CDKN2A: variants seen among roughly 807,000 people sequenced by gnomAD.
The protein encoded by CDKN2A is cyclin-dependent kinase inhibitor 2A.
In CDKN2A, 3 loss-of-function variants were observed where a neutral mutation model predicts 11.1. The observed-to-expected ratio is 0.27, with a 90% CI of 0.12 to 0.70. The LOEUF (loss-of-function observed/expected upper bound fraction) is 0.70. Ranked by LOEUF, CDKN2A falls within the 30% of genes least tolerant of loss-of-function variation. The probability of loss-of-function intolerance (pLI) is 0.77; values close to 1 mark genes in which losing one functional copy is unlikely to be tolerated. For missense variants in CDKN2A, 265 were observed against 233.6 expected, an observed-to-expected ratio of 1.13 and a Z score of -0.88; for synonymous variants, 122 against 108.1, an observed-to-expected ratio of 1.13 and a Z score of -0.80.
intron 2 of CDKN2A, among the ~76,000 whole-genome samples, chr9:21,987,957 C>T (rs956639473): frequency 3.3e-5 from 5 of 152,122 alleles, no homozygotes; most frequent in African/African-American, 1.2e-4. Context: ...TGAACGTGAA[C>T]CCCAGAAATA....
chr9:21,968,257 A>T lies in CDKN2A; in HGVS notation c.458-15T>A, dbSNP rs772321849. ...ATCGGGGATGTCTGCAGAGGGCAGA[A>T]AGAAAACAGGCGTTAGAAACCTGAG... On this transcript the variant is annotated splice_polypyrimidine_tract_variant and intron_variant, in intron 2 of 2. Coordinates refer to ENST00000304494, the MANE Select transcript of CDKN2A (RefSeq NM_000077.5). The surrounding 1 kb of genome is among the most constrained non-coding windows in gnomAD (Gnocchi z 4.7). 9.3e-6 allele frequency: 15 copies of T among 1,613,984 alleles called. No homozygotes were observed. The East Asian group carries it at 3.1e-4, about 34-fold the overall frequency.
intron 2 of CDKN2A, chr9:21,992,226 A>T (rs1030762165): frequency 1.1e-6 from 1 of 938,028 alleles, no homozygotes; most frequent in African/African-American, 1.8e-5. Context: ...AAGGAATTGT[A>T]TGAATCCTAA....
At chr9:21,990,649 A>AGAGAGAGAGAGAGAGG (rs1396090431) in intron 2 of CDKN2A, among the ~76,000 whole-genome samples, 2 of 150,232 alleles carry the variant, frequency 1.3e-5, no homozygotes, top group Admixed American at 6.6e-5. Context: ...AGAGAGAGAG[A>AGAGAGAGAGAGAGAGG]GAAACTGTTT....
chr9:21,985,648 C>T (rs1171863188), intron 2 of CDKN2A, among the ~76,000 whole-genome samples: 1 of 151,836 alleles, frequency 6.6e-6, no homozygotes, highest in Non-Finnish European at 1.5e-5. Flanking sequence ...TCTAAAGCTA[C>T]CTTGATTTCC....
At chr9:21,978,080 G>A (rs537480334), upstream of CDKN2A, among the ~76,000 whole-genome samples, 10 of 137,858 alleles carry the variant, frequency 7.3e-5, no homozygotes, top group South Asian at 2.4e-3. Flanking sequence ...GGGCCATTTT[G>A]CTCTAGAAAT....
chr9:21,993,799 CTGTGTGTG>C (rs71336508), intron 2 of CDKN2A: 51,410 of 246,592 alleles, frequency 0.21, 4,006 homozygotes, highest in Admixed American at 0.3. Flanking sequence ...ACCTTTCCTA[CTGTGTGTG>C]TGTGTGTGTG....
exon 2 of CDKN2A, chr9:21,994,048 C>T: frequency 1.4e-6 from 2 of 1,426,262 alleles, no homozygotes; most frequent in Non-Finnish European, 1.9e-6. Context: ...CTCCTCCTAG[C>T]CTGGGCTAGA....
chr9:21,969,342 C>G (rs538177841), intron 2 of CDKN2A, among the ~76,000 whole-genome samples: 2 of 152,170 alleles, frequency 1.3e-5, no homozygotes, highest in East Asian at 3.9e-4. Flanking sequence ...GAGCTGTGAT[C>G]GCGCCACTGC....
rs1221654243 is a variant in CDKN2A at position 21,994,305 on chromosome 9, G to C, written c.-175-252C>G. ...GCGGGCCGCACGCGCGCCGAATCCG[G>C]AGGGTCACCAAGAACCTGCGCACCA... On this transcript the variant is annotated intron_variant, in intron 1 of 3. Transcript: ENST00000494262. 2 of 1,605,074 alleles carry C rather than the reference G, an allele frequency of 1.2e-6. No individual in the cohort carries two copies. The highest frequency in any genetic ancestry group is 1.7e-6 in the Non-Finnish European group (2 of 1,176,498).
At chr9:21,984,012 A>G (rs534680579) in intron 2 of CDKN2A, among the ~76,000 whole-genome samples, 4 of 152,158 alleles carry the variant, frequency 2.6e-5, no homozygotes, top group Admixed American at 2.6e-4. Context: ...TGTCAGATAT[A>G]TAAAAATCCG....
chr9:21,989,284 A>C (rs1820368495), intron 2 of CDKN2A: 1 of 152,224 alleles, frequency 6.6e-6, no homozygotes, highest in Non-Finnish European at 1.5e-5. Context: ...TCCTTCATTT[A>C]TTAATTCCCA....
At position 21,991,921 on chromosome 9, in the gene CDKN2A, T is replaced by G. The variant is rs1820439286; in HGVS notation, c.-4+1961A>C. Reference sequence around the variant, plus strand: ...GACTCTGTGCTATTAAAGAAAAAAATAACCTGAGCCTTCTGAAGTAGCTAT... The same window carrying G: ...GACTCTGTGCTATTAAAGAAAAAAAGAACCTGAGCCTTCTGAAGTAGCTAT... On this transcript the variant is annotated intron_variant, in intron 2 of 3. Transcript: ENST00000494262. This position sits in a 1 kb window ranked among gnomAD's most constrained non-coding sequence, Gnocchi z 5.2. 1 of 985,022 alleles carries G rather than the reference T, an allele frequency of 1.0e-6. No homozygotes were observed. Among genetic ancestry groups the G allele is most frequent in the Non-Finnish European group, 1.2e-6 (1 of 829,610 alleles). The allele number at this position is 985,022 out of a possible 1,614,324, so 61.0% of individuals were successfully genotyped here. A position where few individuals can be genotyped will look rare whatever the true frequency, so the allele number is the denominator to read the frequency against.
chr9:21,969,176 G>C (rs992771115), intron 2 of CDKN2A, among the ~76,000 whole-genome samples: 1 of 152,180 alleles, frequency 6.6e-6, no homozygotes, highest in African/African-American at 2.4e-5. Flanking sequence ...GGAGGAGGAG[G>C]GGGGATGATC....
chr9:21,968,280 G>C lies in CDKN2A; in HGVS notation c.458-38C>G, dbSNP rs965106581. ...GAAAGAAAACAGGCGTTAGAAACCT[G>C]AGGTCAAAGATGTGTGGCACATCCC... On this transcript the variant is annotated intron_variant, in intron 2 of 2. Transcript: ENST00000304494. The surrounding 1 kb of genome is among the most constrained non-coding windows in gnomAD (Gnocchi z 4.7). 1 of 1,611,970 alleles carries C rather than the reference G, an allele frequency of 6.2e-7. No individual in the cohort carries two copies. The highest frequency in any genetic ancestry group is 1.3e-5 in the African/African-American group (1 of 74,866).
intron 2 of CDKN2A, among the ~76,000 whole-genome samples, chr9:21,987,424 CACACACACAGAG>C (rs1467573549): frequency 1.7e-5 from 2 of 119,134 alleles, no homozygotes; most frequent in Non-Finnish European, 3.6e-5. Context: ...CACACACACA[CACACACACAGAG>C]AGAGAGAGAG....
chr9:21,968,330 C>T lies in CDKN2A; in HGVS notation c.458-88G>A, dbSNP rs2131080240. ...CGCCCTCCTCTCTTGCCGTCCCTAC[C>T]GGCATTGAAATACTTATGGATAAAG... On this transcript the variant is annotated intron_variant, in intron 2 of 2. Transcript: ENST00000304494. This position sits in a 1 kb window ranked among gnomAD's most constrained non-coding sequence, Gnocchi z 4.7. The T allele has an allele frequency of 1.3e-6, 2 of 1,557,052 alleles. No homozygotes were observed. The highest frequency in any genetic ancestry group is 1.8e-6 in the Non-Finnish European group (2 of 1,132,046).
Position 21,968,484 on chromosome 9 carries a change from C to T in CDKN2A, c.458-242G>A. The stretch of plus-strand genomic sequence containing the variant: ...GACCGCTCAAGCGCTCCAGGTCCAC[C>T]CGGCGGAGGGCAGAGAAAGCGCGAC... On this transcript the variant is annotated intron_variant, in intron 2 of 2. Coordinates refer to ENST00000304494, the MANE Select transcript of CDKN2A (RefSeq NM_000077.5). The surrounding 1 kb of genome is among the most constrained non-coding windows in gnomAD (Gnocchi z 4.7). 1 of 1,461,462 alleles carries T rather than the reference C, an allele frequency of 6.8e-7. No homozygotes were observed. The highest frequency in any genetic ancestry group is 9.0e-7 in the Non-Finnish European group (1 of 1,113,394). 90.5% of individuals were successfully genotyped at this position (1,461,462 alleles called of 1,614,324 possible).
chr9:21,975,018 C>A (rs3814960), upstream of CDKN2A: 1 of 1,381,138 alleles, frequency 7.2e-7, no homozygotes, highest in Non-Finnish European at 9.3e-7. Flanking sequence ...AAGGGGACGC[C>A]GTGAGCGAGT....
chr9:21,988,329 T>C lies in CDKN2A; in HGVS notation c.-4+5553A>G, dbSNP rs956608827. On this transcript the variant is annotated intron_variant, in intron 2 of 3. Transcript: ENST00000494262. The surrounding 1 kb of genome is among the most constrained non-coding windows in gnomAD (Gnocchi z 4.1). ...GAACAAAGCCAATAAGTCATAAAAA[T>C]TAAAAATCAACATACTATTTTTTGA... 1.3e-5 allele frequency among the ~76,000 whole-genome samples: 2 copies of C among 152,204 alleles called. No homozygotes were observed. Among genetic ancestry groups the C allele is most frequent in the Non-Finnish European group, 2.9e-5 (2 of 68,028 alleles).
Sources: allele counts gnomAD v4.1 joint callset (sites outside exome capture counted in the v4.1 genomes callset), GRCh38; gene constraint gnomAD v4.1.1; non-coding constraint Gnocchi (gnomAD v3.1); transcripts MANE v1.5; gene names NCBI Gene and HGNC (gene_info 2026-07-23, HGNC 2026-07-21).